UBXN8: variants seen among roughly 807,000 people sequenced by gnomAD.
UBXN8 encodes UBX domain-containing protein 8.
In UBXN8, 27 loss-of-function variants were observed where a neutral mutation model predicts 32.1. The ratio of observed to expected loss-of-function variants is 0.84; its 90% CI spans 0.62 to 1.16. The LOEUF (loss-of-function observed/expected upper bound fraction) is 1.16. Among genes scored for constraint, UBXN8 ranks in the 50% most tolerant of loss-of-function variants. UBXN8 has a pLI of 0.00. For synonymous variants in UBXN8, 109 were observed against 111.8 expected, an observed-to-expected ratio of 0.98 and a Z score of 0.16; for missense variants, 306 against 311.4, an observed-to-expected ratio of 0.98 and a Z score of 0.13.
At chr8:30,764,773 C>T (rs2956012) in intron 7 of UBXN8, among the ~76,000 whole-genome samples, 117,074 of 152,146 alleles carry the variant, frequency 0.77, 45,491 homozygotes, top group East Asian at 0.86. Context: ...GTTTTTTGGC[C>T]GGGTACCATG....
At position 30,760,443 on chromosome 8, in the gene UBXN8, A is replaced by ATTT. The variant is rs199634258; in HGVS notation, c.529-432_529-430dup. 5.5e-3 allele frequency among the ~76,000 whole-genome samples: 500 copies of ATTT among 91,098 alleles called. 4 individuals are homozygous for ATTT. The highest frequency in any genetic ancestry group is 8.5e-3 in the Middle Eastern group (1 of 118). The allele number at this position is 91,098 out of a possible 152,430, so 59.8% of individuals were successfully genotyped here. A position where few individuals can be genotyped will look rare whatever the true frequency, so the allele number is the denominator to read the frequency against. ...ATCATATATATATATATATATATAT[A>ATTT]TTTTTTTTTTTTTTTAAAGTGACAG... On this transcript the variant is annotated intron_variant, in intron 5 of 7. Coordinates refer to ENST00000265616, the MANE Select transcript of UBXN8 (RefSeq NM_005671.4).
At chr8:30,751,025 C>T (rs1805507677) in intron 1 of UBXN8, among the ~76,000 whole-genome samples, 1 of 152,048 alleles carries the variant, frequency 6.6e-6, no homozygotes, top group Non-Finnish European at 1.5e-5. Context: ...TGTATGCAAA[C>T]ACTGTGCCAT....
At chr8:30,751,561 A>T (rs2911688) in intron 2 of UBXN8, 43 bp downstream of exon 2, 1,172,762 of 1,480,326 alleles carry the variant, frequency 0.79, 469,826 homozygotes, top group East Asian at 0.83. Flanking sequence ...CATTCTACTC[A>T]AATTTATTTA....
intron 1 of UBXN8, among the ~76,000 whole-genome samples, chr8:30,749,791 G>T (rs1805470518): frequency 6.6e-6 from 1 of 151,792 alleles, no homozygotes; most frequent in African/African-American, 2.4e-5. Context: ...ATTTTTATTA[G>T]AGACAGGGTT....
At chr8:30,751,909 T>C (rs1404233979) in intron 2 of UBXN8, among the ~76,000 whole-genome samples, 1 of 151,578 alleles carries the variant, frequency 6.6e-6, no homozygotes, top group Non-Finnish European at 1.5e-5. Flanking sequence ...TTTTTTTTTT[T>C]TTTGAGATGG....
intron 4 of UBXN8, among the ~76,000 whole-genome samples, chr8:30,755,044 C>A (rs1805619025): frequency 6.6e-6 from 1 of 151,660 alleles, no homozygotes; most frequent in Non-Finnish European, 1.5e-5. Context: ...CAAGCTCCGC[C>A]TCCCAGGTTC....
At position 30,766,814 on chromosome 8, in the gene UBXN8, A is replaced by C. The variant is rs1187819049; in HGVS notation, c.*420A>C. 1 of 152,466 alleles carries C rather than the reference A, an allele frequency of 6.6e-6. No individual in the cohort carries two copies. The highest frequency in any genetic ancestry group is 1.9e-4 in the East Asian group (1 of 5,202). 9.4% of individuals were successfully genotyped at this position (152,466 alleles called of 1,614,324 possible). ...ATTCTGCTGTATTTCTGTGAAATTA[A>C]AAACTTGGAAGAAGCTTCAAAGCTC... On this transcript the variant is annotated 3_prime_UTR_variant, in exon 8 of 8. Coordinates refer to ENST00000265616, the MANE Select transcript of UBXN8 (RefSeq NM_005671.4).
At chr8:30,748,192 C>CT (rs1805418120) in intron 1 of UBXN8, among the ~76,000 whole-genome samples, 2 of 151,020 alleles carry the variant, frequency 1.3e-5, no homozygotes, top group Admixed American at 1.3e-4. Context: ...GTGGTGCAGT[C>CT]TCAGCTCACT....
upstream of UBXN8, among the ~76,000 whole-genome samples, chr8:30,729,824 CA>C (rs1200959652): frequency 6.6e-6 from 1 of 152,164 alleles, no homozygotes; most frequent in African/African-American, 2.4e-5. Flanking sequence ...AGGTATGGCA[CA>C]AGGTAACTGG....
At chr8:30,751,803 A>G (rs1400711985) in intron 2 of UBXN8, among the ~76,000 whole-genome samples, 2 of 152,040 alleles carry the variant, frequency 1.3e-5, no homozygotes, top group Non-Finnish European at 2.9e-5. Context: ...TAAATTCCCT[A>G]ATTTTAAATT....
chr8:30,741,853 CACAAACA>C (rs1453487881), upstream of UBXN8, among the ~76,000 whole-genome samples: 1 of 152,204 alleles, frequency 6.6e-6, no homozygotes, highest in African/African-American at 2.4e-5. Context: ...GAAGAGAGTT[CACAAACA>C]ACAAAGTTTG....
chr8:30,756,153 G>GT (rs1372699215), intron 4 of UBXN8: 1 of 151,232 alleles, frequency 6.6e-6, no homozygotes, highest in Non-Finnish European at 1.5e-5. Flanking sequence ...GCTAATTTTT[G>GT]TTTTTGAGAC....
chr8:30,748,863 C>G (rs1167337552), intron 1 of UBXN8, among the ~76,000 whole-genome samples: 1 of 152,116 alleles, frequency 6.6e-6, no homozygotes, highest in Non-Finnish European at 1.5e-5. Context: ...TTTCTGATTC[C>G]TTCTTTAAGT....
intron 1 of UBXN8, among the ~76,000 whole-genome samples, chr8:30,745,873 G>A (rs984547473): frequency 6.6e-6 from 1 of 152,174 alleles, no homozygotes; most frequent in African/African-American, 2.4e-5. Context: ...TCAGCCTTCT[G>A]AGTAGCTAGG....
At position 30,766,548 on chromosome 8, in the gene UBXN8, G is replaced by T; in HGVS notation, c.*154G>T. 1.3e-6 allele frequency: 1 copy of T among 745,222 alleles called. No individual in the cohort carries two copies. 46.2% of individuals were successfully genotyped at this position (745,222 alleles called of 1,614,324 possible). ...ATCCATGGGAATAGGATTAGAAAAG[G>T]ATTGCTTTCTATATATAATAATCTG... On this transcript the variant is annotated 3_prime_UTR_variant, in exon 8 of 8. Coordinates refer to ENST00000265616, the MANE Select transcript of UBXN8 (RefSeq NM_005671.4).
At chr8:30,758,885 G>T (rs13275675) in intron 5 of UBXN8, among the ~76,000 whole-genome samples, 1,795 of 96,564 alleles carry the variant, frequency 0.019, 72 homozygotes, top group Non-Finnish European at 0.023. Flanking sequence ...TTTTTTGTTT[G>T]TTTTTTTTGT....
intron 1 of UBXN8, among the ~76,000 whole-genome samples, chr8:30,745,305 T>TG (rs1207353239): frequency 6.6e-6 from 1 of 152,182 alleles, no homozygotes; most frequent in Non-Finnish European, 1.5e-5. Flanking sequence ...CAAGGACGAC[T>TG]GCCTCATGGG....
At chr8:30,744,461 G>A (rs964085254) in intron 1 of UBXN8, 184 bp downstream of exon 1, 1 of 636,286 alleles carries the variant, frequency 1.6e-6, no homozygotes, top group Non-Finnish European at 2.8e-6. Flanking sequence ...TTCCCTCCAG[G>A]TGTGATGGTT....
At chr8:30,752,534 C>T (rs991651905) in intron 2 of UBXN8, among the ~76,000 whole-genome samples, 2 of 152,082 alleles carry the variant, frequency 1.3e-5, no homozygotes, top group Admixed American at 6.6e-5. Context: ...CCAGGCTGGT[C>T]TCTAGCTCCT....
Sources: gnomAD v4.1 joint callset for allele counts (sites outside exome capture counted in the v4.1 genomes callset) on GRCh38, gnomAD v4.1.1 for gene constraint, MANE v1.5 for transcripts, NCBI Gene and HGNC (gene_info 2026-07-23, HGNC 2026-07-21) for gene names.